Variants in ZFHX3 observed in about 807,000 individuals in gnomAD.
ZFHX3 encodes the protein zinc finger homeobox protein 3.
Under a neutral mutation model 279.1 loss-of-function variants are expected in ZFHX3, and 42 were observed. The ratio of observed to expected loss-of-function variants is 0.15; its 90% confidence interval spans 0.12 to 0.19. The LOEUF (loss-of-function observed/expected upper bound fraction) is 0.19. Among genes scored for constraint, ZFHX3 ranks in the 10% least tolerant of loss-of-function variants. The pLI is 1.00. For synonymous variants in ZFHX3, 2,293 were observed against 1,957.8 expected (o/e 1.17, Z -4.52); for missense variants, 4,981 against 4,754.0 (o/e 1.05, Z -1.40).
intron 4 of ZFHX3, among the ~76,000 whole-genome samples, chr16:73,269,766 TG>T (rs895225830): frequency 1.2e-4 from 18 of 152,164 alleles, no homozygotes; most frequent in African/African-American, 4.1e-4. Flanking sequence ...TTTTTTTTTT[TG>T]AGACGGAGTC....
intron 2 of ZFHX3, among the ~76,000 whole-genome samples, chr16:73,596,810 G>C (rs988146567): frequency 6.6e-6 from 1 of 152,116 alleles, no homozygotes; most frequent in African/African-American, 2.4e-5. Flanking sequence ...TGCTATTTCA[G>C]ATCTGCTATA....
chr16:73,244,948 G>C (rs2013234476), intron 5 of ZFHX3, among the ~76,000 whole-genome samples: 1 of 152,160 alleles, frequency 6.6e-6, no homozygotes, highest in Non-Finnish European at 1.5e-5. Flanking sequence ...GAGCAGAAGT[G>C]GGGGCTTACA....
intron 2 of ZFHX3, among the ~76,000 whole-genome samples, chr16:73,464,454 A>G (rs980787419): frequency 1.8e-4 from 16 of 89,668 alleles, no homozygotes; most frequent in Non-Finnish European, 3.1e-4. Context: ...TCAATTTAAG[A>G]AAAAAAAAAA....
At chr16:73,052,837 T>C (rs894433260), upstream of ZFHX3, among the ~76,000 whole-genome samples, 1 of 152,228 alleles carries the variant, frequency 6.6e-6, no homozygotes, top group Non-Finnish European at 1.5e-5. Flanking sequence ...CTAAAGGCGA[T>C]GCGTACACAA....
At chr16:73,536,713 G>A (rs141997635) in intron 2 of ZFHX3, among the ~76,000 whole-genome samples, 4 of 152,152 alleles carry the variant, frequency 2.6e-5, no homozygotes, top group Admixed American at 6.5e-5. Flanking sequence ...ATTCTCTACA[G>A]CTGTTCCTGG....
rs567580567 is a variant in ZFHX3 at position 73,767,009 on chromosome 16, C to T, written c.-1607-86769G>A. Among the ~76,000 whole-genome samples, 6 of 150,396 alleles carry T rather than the reference C, an allele frequency of 4.0e-5. No individual in the cohort carries two copies. The South Asian group carries it at 1.3e-3, about 32-fold the overall frequency. ...GGAGTGCACTGGCGCGATCTCAGCT[C>T]AGTGCAACCTCCACCTCCCGGATGC... is the stretch of plus-strand genomic sequence containing the variant. On this transcript the variant is annotated intron_variant, in intron 1 of 17. Transcript: ENST00000641206.
At position 73,034,878 on chromosome 16, in the gene ZFHX3, G is replaced by A. The variant is rs1048394094; in HGVS notation, c.-50+12874C>T. 2.0e-5 allele frequency among the ~76,000 whole-genome samples: 3 copies of A among 152,160 alleles called. No individual in the cohort carries two copies. In the East Asian group the frequency reaches 5.8e-4, roughly 29 times the overall value. On this transcript the variant is annotated intron_variant, in intron 1 of 9. Coordinates refer to ENST00000268489, the MANE Select transcript of ZFHX3 (RefSeq NM_006885.4). ...CTCCTAACAATCTCATGAGCATGTC[G>A]GGGGAGCCAGGCATTTCTGACCAAA...
At chr16:73,842,610 G>A (rs1043970587) in intron 1 of ZFHX3, among the ~76,000 whole-genome samples, 1 of 152,120 alleles carries the variant, frequency 6.6e-6, no homozygotes. Context: ...GTGCATGTGC[G>A]TGTGTATATG....
At chr16:73,313,415 G>A (rs928340370) in intron 4 of ZFHX3, among the ~76,000 whole-genome samples, 20 of 152,216 alleles carry the variant, frequency 1.3e-4, no homozygotes, top group East Asian at 1.9e-4. Context: ...GTAAACGCTC[G>A]TATAGTATGT....
At chr16:73,185,065 C>T (rs1706232511) in intron 5 of ZFHX3, among the ~76,000 whole-genome samples, 2 of 151,776 alleles carry the variant, frequency 1.3e-5, no homozygotes, top group South Asian at 4.1e-4. Flanking sequence ...GCAGCCTTGA[C>T]TTCCTATGCT....
At chr16:73,084,514 ATTT>A (rs34134596) in intron 8 of ZFHX3, among the ~76,000 whole-genome samples, 8 of 92,656 alleles carry the variant, frequency 8.6e-5, no homozygotes, top group East Asian at 3.1e-4. Context: ...CTAGGACTAA[ATTT>A]TTTTTTTTTT....
intron 5 of ZFHX3, among the ~76,000 whole-genome samples, chr16:73,176,946 T>C (rs554171372): frequency 6.6e-6 from 1 of 152,000 alleles, no homozygotes; most frequent in Non-Finnish European, 1.5e-5. Flanking sequence ...ATTTGCAGCA[T>C]CAGCATGACT....
At chr16:73,384,906 C>G (rs192898374) in intron 3 of ZFHX3, among the ~76,000 whole-genome samples, 3 of 152,292 alleles carry the variant, frequency 2.0e-5, no homozygotes, top group Admixed American at 2.0e-4. Flanking sequence ...TGCATCCCTC[C>G]TACGTTACCC....
chr16:73,161,321 G>A (rs1213121095), intron 5 of ZFHX3, among the ~76,000 whole-genome samples: 1 of 152,070 alleles, frequency 6.6e-6, no homozygotes, highest in Non-Finnish European at 1.5e-5. Flanking sequence ...CCTTCATAAA[G>A]TCGTCTCCAA....
chr16:73,860,245 G>C (rs1961845887), intron 1 of ZFHX3, among the ~76,000 whole-genome samples: 1 of 152,160 alleles, frequency 6.6e-6, no homozygotes, highest in Non-Finnish European at 1.5e-5. Flanking sequence ...GTTCCCCCAA[G>C]TATGTGGCTA....
chr16:73,632,203 T>A (rs547037769), intron 2 of ZFHX3, among the ~76,000 whole-genome samples: 1 of 152,268 alleles, frequency 6.6e-6, no homozygotes, highest in Admixed American at 6.5e-5. Context: ...CTTGAAGGGC[T>A]TGTTCTGGGC....
chr16:73,284,434 A>G lies in ZFHX3; in HGVS notation c.-1193-27298T>C, dbSNP rs536504388. 6.6e-5 allele frequency among the ~76,000 whole-genome samples: 10 copies of G among 152,162 alleles called. No individual in the cohort carries two copies. In the East Asian group the frequency reaches 1.9e-3, roughly 29 times the overall value. ...CTTCAAAATATAAATCTATAAAAAT[A>G]TTAATATATGTGAAATGTATTATTA... is the stretch of plus-strand genomic sequence containing the variant. On this transcript the variant is annotated intron_variant, in intron 4 of 17. Transcript: ENST00000641206.
chr16:73,794,769 G>A lies in ZFHX3; in HGVS notation c.-1608+96882C>T, dbSNP rs145266285. Reference sequence around the variant, plus strand: ...GTCTATAAAGGGCTATCGATTAGACGCTTTTATCTCATTTAAATAGGGTTT... The same window carrying A: ...GTCTATAAAGGGCTATCGATTAGACACTTTTATCTCATTTAAATAGGGTTT... On this transcript the variant is annotated intron_variant, in intron 1 of 17. Coordinates refer to the ZFHX3 transcript ENST00000641206. 6.1e-4 allele frequency among the ~76,000 whole-genome samples: 93 copies of A among 152,218 alleles called. No homozygotes were observed. The East Asian group carries it at 0.01, about 17-fold the overall frequency.
Position 73,756,227 on chromosome 16 carries a change from T to C in ZFHX3, c.-1607-75987A>G, listed in dbSNP as rs74502100. Among the ~76,000 whole-genome samples, 833 of 152,324 alleles carry C rather than the reference T, an allele frequency of 5.5e-3. 9 individuals carry two copies. Among genetic ancestry groups the C allele is most frequent in the African/African-American group, 0.019 (795 of 41,582 alleles). On this transcript the variant is annotated intron_variant, in intron 1 of 17. Transcript: ENST00000641206. ...CATGGTCTCACTCTCTCTTTCTCTTTCCCTCAAAGCAAAAAGAATAAGAAG... is the reference window on the plus strand; with the variant it reads ...CATGGTCTCACTCTCTCTTTCTCTTCCCCTCAAAGCAAAAAGAATAAGAAG...
Sources: allele counts gnomAD v4.1 joint callset (sites outside exome capture counted in the v4.1 genomes callset), GRCh38; gene constraint gnomAD v4.1.1; transcripts MANE v1.5; gene names NCBI Gene and HGNC (gene_info 2026-07-23, HGNC 2026-07-21).